ZNF516: variants seen among roughly 807,000 people sequenced by gnomAD.
ZNF516 encodes zinc finger protein 516.
In ZNF516, 19 loss-of-function variants were observed where a neutral mutation model predicts 79.7. That is an observed-to-expected ratio of 0.24 (90% CI 0.17 to 0.35). The LOEUF (loss-of-function observed/expected upper bound fraction) is 0.35. Among genes scored for constraint, ZNF516 ranks in the 10% least tolerant of loss-of-function variants. ZNF516 has a pLI of 1.00. For synonymous variants in ZNF516, 877 were observed against 739.5 expected (o/e 1.19, Z -3.02); for missense variants, 1,678 against 1,679.5 (o/e 1.00, Z 0.02).
intron 3 of ZNF516, among the ~76,000 whole-genome samples, chr18:76,428,716 T>G (rs1361625373): frequency 6.6e-6 from 1 of 152,226 alleles, no homozygotes; most frequent in African/African-American, 2.4e-5. Flanking sequence ...AAATACATTT[T>G]AAAGACCTAG....
chr18:76,399,901 GT>G (rs2075195835), intron 3 of ZNF516, among the ~76,000 whole-genome samples: 2 of 152,166 alleles, frequency 1.3e-5, no homozygotes, highest in Non-Finnish European at 2.9e-5. Flanking sequence ...TGAGTGACAT[GT>G]GGATGAAATG....
intron 6 of ZNF516, 81 bp downstream of exon 6, chr18:76,370,447 T>C (rs1345516750): frequency 7.6e-7 from 1 of 1,316,170 alleles, no homozygotes; most frequent in Non-Finnish European, 1.0e-6. Context: ...AAGAAGGTCA[T>C]GCTTCAGTGA....
intron 4 of ZNF516, 26 bp from the exon 5 acceptor site, chr18:76,371,597 G>C: frequency 6.3e-7 from 1 of 1,595,790 alleles, no homozygotes; most frequent in Non-Finnish European, 8.5e-7. Flanking sequence ...GGTGGTGGTG[G>C]CAGGGCCGTG....
intron 3 of ZNF516, among the ~76,000 whole-genome samples, chr18:76,421,863 A>T (rs749059321): frequency 3.9e-5 from 6 of 152,222 alleles, no homozygotes; most frequent in Non-Finnish European, 8.8e-5. Flanking sequence ...TCTGAATCAC[A>T]CAGCGGGCCG....
At position 76,493,084 on chromosome 18, in the gene ZNF516, C is replaced by G; in HGVS notation, c.-272+2060G>C. On this transcript the variant is annotated intron_variant, in intron 1 of 6. Coordinates refer to ENST00000443185, the MANE Select transcript of ZNF516 (RefSeq NM_014643.4). This position sits in a 1 kb window ranked among gnomAD's most constrained non-coding sequence, Gnocchi z 5.2. ...ACGCCCAGGGGGCAGGGAGACTTCG[C>G]AAAGCTGTTTCCTTTTTTTTTTTTC... is the stretch of plus-strand genomic sequence containing the variant. 1.0e-6 allele frequency: 1 copy of G among 984,556 alleles called. No homozygotes were observed. Among genetic ancestry groups the G allele is most frequent in the South Asian group, 4.7e-5 (1 of 21,240 alleles). The allele number at this position is 984,556 out of a possible 1,614,324, so 61.0% of individuals were successfully genotyped here.
chr18:76,409,019 T>TA (rs968326204), intron 3 of ZNF516, among the ~76,000 whole-genome samples: 58 of 151,836 alleles, frequency 3.8e-4, no homozygotes, highest in Non-Finnish European at 6.6e-4. Flanking sequence ...AAAGAAGCTA[T>TA]AAAAAAAATC....
intron 1 of ZNF516, among the ~76,000 whole-genome samples, chr18:76,489,920 C>A (rs1915063909): frequency 6.6e-6 from 1 of 152,174 alleles, no homozygotes; most frequent in Non-Finnish European, 1.5e-5. Context: ...GTGTTTCATT[C>A]TAGCGAGGCA....
chr18:76,370,275 T>C (rs1305692363), intron 6 of ZNF516, among the ~76,000 whole-genome samples: 1 of 152,100 alleles, frequency 6.6e-6, no homozygotes, highest in African/African-American at 2.4e-5. Flanking sequence ...TATCCCGACT[T>C]CCTCCTCCCC....
At chr18:76,491,646 A>G in intron 1 of ZNF516, 1 of 622,992 alleles carries the variant, frequency 1.6e-6, no homozygotes, top group Non-Finnish European at 1.9e-6. Flanking sequence ...TCCTCCTGGC[A>G]GCCCAGCAAC....
intron 1 of ZNF516, among the ~76,000 whole-genome samples, chr18:76,484,756 T>C (rs1221384902): frequency 6.6e-6 from 1 of 152,234 alleles, no homozygotes; most frequent in African/African-American, 2.4e-5. Flanking sequence ...TAACTTTCTT[T>C]TTAATCAATA....
chr18:76,371,177 CATTA>C (rs1264015227), intron 5 of ZNF516, among the ~76,000 whole-genome samples: 37 of 152,232 alleles, frequency 2.4e-4, no homozygotes, highest in African/African-American at 8.2e-4. Flanking sequence ...CAATGCCATT[CATTA>C]GCATATTCAT....
chr18:76,380,572 T>C (rs374352222), intron 3 of ZNF516, among the ~76,000 whole-genome samples: 1 of 152,260 alleles, frequency 6.6e-6, no homozygotes, highest in East Asian at 1.9e-4. Flanking sequence ...TCTAGTTACA[T>C]GTAACGACGC....
At chr18:76,389,576 C>T (rs540301030) in intron 3 of ZNF516, among the ~76,000 whole-genome samples, 8 of 152,236 alleles carry the variant, frequency 5.3e-5, no homozygotes, top group African/African-American at 1.9e-4. Context: ...GTTTCGTGTA[C>T]GGAAACGACC....
At chr18:76,430,702 G>T (rs73975428) in intron 3 of ZNF516, among the ~76,000 whole-genome samples, 2,696 of 152,290 alleles carry the variant, frequency 0.018, 63 homozygotes, top group African/African-American at 0.061. Flanking sequence ...AAATAAAACA[G>T]TAATTGTATT....
chr18:76,435,655 A>G (rs189824584), intron 3 of ZNF516, among the ~76,000 whole-genome samples: 6 of 152,332 alleles, frequency 3.9e-5, no homozygotes, highest in Admixed American at 6.5e-5. Flanking sequence ...CAAGAATTTA[A>G]TATCAGGGTT....
intron 3 of ZNF516, among the ~76,000 whole-genome samples, chr18:76,424,105 T>C (rs1353628931): frequency 4.2e-5 from 3 of 71,678 alleles, no homozygotes; most frequent in African/African-American, 5.7e-5. Flanking sequence ...GTGAAAAGGC[T>C]CCCCCGAAAC....
intron 3 of ZNF516, among the ~76,000 whole-genome samples, chr18:76,396,884 C>T (rs113129687): frequency 0.015 from 2,356 of 152,244 alleles, 30 homozygotes; most frequent in Middle Eastern, 0.041. Flanking sequence ...CTATAATATC[C>T]ACGGGGGCTT....
chr18:76,455,250 A>G (rs1485197497), intron 2 of ZNF516, among the ~76,000 whole-genome samples: 1 of 152,248 alleles, frequency 6.6e-6, no homozygotes, highest in Non-Finnish European at 1.5e-5. Context: ...TTTGAAATTA[A>G]GGTCAGAACA....
At chr18:76,407,479 C>T (rs1042385131) in intron 3 of ZNF516, among the ~76,000 whole-genome samples, 2 of 152,082 alleles carry the variant, frequency 1.3e-5, no homozygotes, top group Non-Finnish European at 2.9e-5. Context: ...GGTTCAATGT[C>T]GGGACAGGGG....
Sources: gnomAD v4.1 joint callset for allele counts (sites outside exome capture counted in the v4.1 genomes callset) on GRCh38, gnomAD v4.1.1 for gene constraint, Gnocchi (gnomAD v3.1) non-coding constraint, MANE v1.5 for transcripts, NCBI Gene and HGNC (gene_info 2026-07-23, HGNC 2026-07-21) for gene names.